KPNA2: variants seen among roughly 807,000 people sequenced by gnomAD.
The protein encoded by KPNA2 is importin subunit alpha-1.
A neutral mutation model predicts 53.7 loss-of-function variants in KPNA2; 20 were observed. That is an observed-to-expected ratio of 0.37 (90% CI 0.26 to 0.54). The LOEUF (loss-of-function observed/expected upper bound fraction) is 0.54, where lower values mean the gene tolerates loss of function less well. Ranked by LOEUF, KPNA2 falls within the 20% of genes least tolerant of loss-of-function variation. KPNA2 has a pLI of 0.83. For synonymous variants in KPNA2, 238 were observed against 227.5 expected (o/e 1.05, Z -0.42); for missense variants, 515 against 640.3 (o/e 0.80, Z 2.11).
intron 3 of KPNA2, among the ~76,000 whole-genome samples, chr17:68,040,260 ATTTTT>A (rs782418464): frequency 0.042 from 4,967 of 117,972 alleles, 230 homozygotes; most frequent in African/African-American, 0.15. Context: ...ATGCCTGGAT[ATTTTT>A]TTTTTTTTTT....
Position 68,043,084 on chromosome 17 carries a change from A to T in KPNA2, c.667-16A>T. The T allele has an allele frequency of 6.2e-7, 1 of 1,612,684 alleles. No homozygotes were observed. The highest frequency in any genetic ancestry group is 8.5e-7 in the Non-Finnish European group (1 of 1,179,238). On this transcript the variant is annotated splice_polypyrimidine_tract_variant and intron_variant, in intron 6 of 10. Transcript: ENST00000330459. ...CAAAAGACAGAACCTCTCATTGCCT[A>T]TTTTTTTTCCCCCAGTGTGGCTACT...
At chr17:68,038,240 G>T (rs113987834) in intron 3 of KPNA2, among the ~76,000 whole-genome samples, 5,901 of 152,254 alleles carry the variant, frequency 0.039, 372 homozygotes, top group African/African-American at 0.13. Context: ...CTCCCAAAGT[G>T]CTGGGATTAC....
In KPNA2 at chr17:68,043,363, G is replaced by A. The variant is rs1470902792; in HGVS notation, c.930G>A (p.Val310=). 6.2e-7 allele frequency: 1 copy of A among 1,613,746 alleles called. No homozygotes were observed. The highest frequency in any genetic ancestry group is 2.2e-5 in the East Asian group (1 of 44,876). ...TAGGAGCTTCTGAATTGCCAATTGT[G>A]GTAAGTTATTTACTTGTAGATTAGG... The part of the protein sequence containing the change: ...KLLGASELPI[V]TPALRAIGNI... Residue 310 remains valine, a splice_region_variant and synonymous_variant, in exon 7 of 11, where the codon GTG becomes GTA. Coordinates refer to ENST00000330459, the MANE Select transcript of KPNA2 (RefSeq NM_002266.4).
intron 5 of KPNA2, 42 bp from the exon 6 acceptor site, chr17:68,042,863 C>CAA (rs76104168): frequency 3.5e-4 from 390 of 1,126,956 alleles, no homozygotes; most frequent in African/African-American, 1.2e-3. Flanking sequence ...AACTCCGTCT[C>CAA]AAAAAAAAAA....
At position 68,046,598 on chromosome 17, in the gene KPNA2, TC is replaced by T. The variant is rs1395945357; in HGVS notation, c.*3del. The T allele has an allele frequency of 1.3e-6, 2 of 1,573,794 alleles. No homozygotes were observed. Among genetic ancestry groups the T allele is most frequent in the East Asian group, 4.5e-5 (2 of 44,668 alleles). ...GCTCCTGGGACCTTTAACTTTTAGATCATGTAGCTGAGACATAAATTTGTTG... is the reference window on the plus strand; with the variant it reads ...GCTCCTGGGACCTTTAACTTTTAGATATGTAGCTGAGACATAAATTTGTTG... On this transcript the variant is annotated 3_prime_UTR_variant, in exon 11 of 11. Transcript: ENST00000330459.
intron 3 of KPNA2, among the ~76,000 whole-genome samples, chr17:68,038,883 C>G (rs145159150): frequency 1.3e-5 from 2 of 151,898 alleles, no homozygotes; most frequent in African/African-American, 2.4e-5. Flanking sequence ...GGTGTGGTGG[C>G]GCCGGCCTTT....
intron 3 of KPNA2, among the ~76,000 whole-genome samples, chr17:68,039,512 G>A (rs904280617): frequency 3.3e-5 from 5 of 151,890 alleles, no homozygotes; most frequent in Non-Finnish European, 5.9e-5. Context: ...CGGGTGTGGT[G>A]GCTCACACCT....
rs782559005 is a variant in KPNA2, at chr17:68,044,382, C to T, written c.1226C>T (p.Thr409Ile). ...WAVTNYTSGGTVEQIVYLVHC... is the reference protein window; with the variant it reads ...WAVTNYTSGGIVEQIVYLVHC... ...GTGACCAACTATACCAGTGGTGGAA[C>T]AGTTGAACAGATTGTGTACCTTGTT... Residue 409 changes from threonine to isoleucine, a missense_variant, in exon 9 of 11, where the codon ACA becomes ATA. Coordinates refer to ENST00000330459, the MANE Select transcript of KPNA2 (RefSeq NM_002266.4). The T allele has an allele frequency of 1.2e-6, 2 of 1,613,950 alleles. No individual in the cohort carries two copies. Among genetic ancestry groups the T allele is most frequent in the South Asian group, 2.2e-5 (2 of 91,078 alleles).
intron 9 of KPNA2, among the ~76,000 whole-genome samples, chr17:68,045,216 T>A (rs2144221806): frequency 6.6e-6 from 1 of 152,334 alleles, no homozygotes; most frequent in South Asian, 2.1e-4. Flanking sequence ...CCTAAGTTAT[T>A]TTGAAGCAAA....
At chr17:68,038,586 T>TC (rs1208800879) in intron 3 of KPNA2, among the ~76,000 whole-genome samples, 2 of 152,204 alleles carry the variant, frequency 1.3e-5, no homozygotes, top group Non-Finnish European at 2.9e-5. Flanking sequence ...ACCTGTGTTT[T>TC]CGCTCCTTAA....
chr17:68,037,117 C>T lies in KPNA2; in HGVS notation c.-16C>T. ...TCTTCCCCCATCTTTTAGCTTTCTC[C>T]CTTTGTCTCATAACCATGTCCACCA... On this transcript the variant is annotated 5_prime_UTR_variant, in exon 2 of 11. Transcript: ENST00000330459. 1 of 1,599,410 alleles carries T rather than the reference C, an allele frequency of 6.3e-7. No homozygotes were observed. Among genetic ancestry groups the T allele is most frequent in the Non-Finnish European group, 8.5e-7 (1 of 1,169,826 alleles).
chr17:68,037,603 C>A, intron 3 of KPNA2, 108 bp downstream of exon 3: 2 of 1,082,862 alleles, frequency 1.8e-6, no homozygotes, highest in South Asian at 1.5e-5. Flanking sequence ...ACGGTTTTAA[C>A]TATCTGTGAA....
At chr17:68,038,443 A>C (rs569919453) in intron 3 of KPNA2, among the ~76,000 whole-genome samples, 2 of 152,020 alleles carry the variant, frequency 1.3e-5, no homozygotes, top group African/African-American at 2.4e-5. Flanking sequence ...GGTATTCTCT[A>C]TGTTTTTGTA....
chr17:68,039,421 A>C (rs1485622813), intron 3 of KPNA2, among the ~76,000 whole-genome samples: 1 of 150,250 alleles, frequency 6.7e-6, no homozygotes, highest in African/African-American at 2.4e-5. Flanking sequence ...TCGCCCAGCC[A>C]AACATAAACC....
rs113467965 is a variant in KPNA2 at position 68,042,818 on chromosome 17, C to T, written c.572-87C>T. ...GGCGGAGCTTGCAGTGAGCCGAGAT[C>T]GCGCCACTGCACTCCAGCCTGGGCG... is the stretch of plus-strand genomic sequence containing the variant. On this transcript the variant is annotated intron_variant, in intron 5 of 10. Coordinates refer to ENST00000330459, the MANE Select transcript of KPNA2 (RefSeq NM_002266.4). 6.2e-4 allele frequency: 614 copies of T among 988,186 alleles called. 4 individuals are homozygous for T. The African/African-American group carries it at 8.9e-3, about 14-fold the overall frequency. The allele number at this position is 988,186 out of a possible 1,614,324, so 61.2% of individuals were successfully genotyped here.
At chr17:68,036,429 A>G (rs1280135906) in intron 1 of KPNA2, 1 of 152,320 alleles carries the variant, frequency 6.6e-6, no homozygotes, top group Non-Finnish European at 1.5e-5. Flanking sequence ...TGTTGACCAT[A>G]ATGTAATGAT....
At chr17:68,036,833 C>T (rs1385528781) in intron 1 of KPNA2, among the ~76,000 whole-genome samples, 1 of 152,150 alleles carries the variant, frequency 6.6e-6, no homozygotes, top group African/African-American at 2.4e-5. Context: ...TTTCTTTTCT[C>T]CTTTTTAAAA....
intron 3 of KPNA2, among the ~76,000 whole-genome samples, chr17:68,039,198 G>T (rs1182255657): frequency 6.6e-6 from 1 of 151,718 alleles, no homozygotes; most frequent in Non-Finnish European, 1.5e-5. Flanking sequence ...TTGGCTGACT[G>T]CAGCCTCCGT....
intron 5 of KPNA2, 84 bp downstream of exon 5, chr17:68,042,437 T>A (rs2071271606): frequency 7.2e-7 from 1 of 1,397,550 alleles, no homozygotes; most frequent in Admixed American, 1.9e-5. Context: ...TAATAGTGAC[T>A]TTGTCAAGTT....
Sources: allele counts gnomAD v4.1 joint callset (sites outside exome capture counted in the v4.1 genomes callset), GRCh38; gene constraint gnomAD v4.1.1; transcripts MANE v1.5; gene names NCBI Gene and HGNC (gene_info 2026-07-23, HGNC 2026-07-21).